Variants in KIAA1217 observed in about 807,000 individuals in gnomAD.
KIAA1217 encodes the protein KIAA1217, also known as sickle tail protein homolog.
Under a neutral mutation model 163.9 loss-of-function variants are expected in KIAA1217, and 88 were observed. That is an observed-to-expected ratio of 0.54 (90% CI 0.45 to 0.64). The LOEUF (loss-of-function observed/expected upper bound fraction) is 0.64. Among genes scored for constraint, KIAA1217 ranks in the 30% least tolerant of loss-of-function variants. The probability of loss-of-function intolerance (pLI) is 0.00; values close to 1 mark genes in which losing one functional copy is unlikely to be tolerated. For missense variants in KIAA1217, 2,372 were observed against 2,475.0 expected (o/e 0.96, Z 0.88); for synonymous variants, 903 against 923.1 (o/e 0.98, Z 0.39).
intron 2 of KIAA1217, among the ~76,000 whole-genome samples, chr10:24,376,612 A>G (rs1271505481): frequency 6.6e-6 from 1 of 152,148 alleles, no homozygotes; most frequent in African/African-American, 2.4e-5. Flanking sequence ...AATTAAAACA[A>G]TTAGCTGGGC....
chr10:23,826,668 G>A (rs980769900), intron 1 of KIAA1217, among the ~76,000 whole-genome samples: 4 of 152,120 alleles, frequency 2.6e-5, no homozygotes, highest in African/African-American at 9.7e-5. Flanking sequence ...CTTCCATGCT[G>A]GGAACATAAG....
chr10:24,293,866 T>C (rs1207368193), intron 2 of KIAA1217, among the ~76,000 whole-genome samples: 3 of 152,212 alleles, frequency 2.0e-5, no homozygotes, highest in East Asian at 3.9e-4. Flanking sequence ...AGCTTGCTGG[T>C]GTCCTGGCAT....
At chr10:23,851,455 T>C (rs1361395232) in intron 1 of KIAA1217, among the ~76,000 whole-genome samples, 1 of 152,196 alleles carries the variant, frequency 6.6e-6, no homozygotes, top group Non-Finnish European at 1.5e-5. Flanking sequence ...CTATTGTGAA[T>C]AGTGCCACAA....
At chr10:24,326,444 T>C (rs576923607) in intron 2 of KIAA1217, among the ~76,000 whole-genome samples, 52 of 152,290 alleles carry the variant, frequency 3.4e-4, no homozygotes, top group African/African-American at 1.2e-3. Flanking sequence ...TAAATATTTG[T>C]GGTAGCCTAG....
At chr10:23,749,991 T>C (rs923108198) in intron 1 of KIAA1217, among the ~76,000 whole-genome samples, 1 of 152,202 alleles carries the variant, frequency 6.6e-6, no homozygotes, top group Non-Finnish European at 1.5e-5. Context: ...TCTTCTTCTC[T>C]TCTCCTTTCC....
intron 1 of KIAA1217, among the ~76,000 whole-genome samples, chr10:23,789,753 A>G (rs542568021): frequency 1.3e-5 from 2 of 152,032 alleles, no homozygotes; most frequent in South Asian, 4.2e-4. Flanking sequence ...TTTGGTTATA[A>G]GTATGGAAGT....
chr10:24,349,105 C>G (rs1017648099), intron 2 of KIAA1217, among the ~76,000 whole-genome samples: 1 of 145,620 alleles, frequency 6.9e-6, no homozygotes, highest in Non-Finnish European at 1.5e-5. Context: ...TGCACCCCAG[C>G]CAGGGCAACA....
chr10:24,516,455 G>A (rs552596443), intron 10 of KIAA1217, among the ~76,000 whole-genome samples: 6 of 152,338 alleles, frequency 3.9e-5, no homozygotes, highest in South Asian at 2.1e-4. Context: ...TGAAAGTTCC[G>A]GGGTTCAACC....
At chr10:24,102,424 G>C (rs2062452158) in intron 2 of KIAA1217, among the ~76,000 whole-genome samples, 3 of 152,182 alleles carry the variant, frequency 2.0e-5, no homozygotes, top group African/African-American at 7.2e-5. Flanking sequence ...TTACATGTTT[G>C]TGGATAGAAA....
At chr10:23,792,706 G>A (rs1025699729) in intron 1 of KIAA1217, among the ~76,000 whole-genome samples, 3 of 149,986 alleles carry the variant, frequency 2.0e-5, no homozygotes, top group African/African-American at 7.4e-5. Context: ...GTTTCACCAT[G>A]TTAGCCAGGA....
intron 3 of KIAA1217, among the ~76,000 whole-genome samples, chr10:24,410,211 G>A (rs2057644139): frequency 6.6e-6 from 1 of 151,916 alleles, no homozygotes; most frequent in South Asian, 2.1e-4. Context: ...GGCCAGGCTG[G>A]TCTCGAACTC....
chr10:24,437,770 T>C (rs886602697), intron 4 of KIAA1217, among the ~76,000 whole-genome samples: 13 of 150,460 alleles, frequency 8.6e-5, no homozygotes, highest in Non-Finnish European at 1.5e-4. Flanking sequence ...GATTTGTATA[T>C]AGAAAAACTA....
intron 1 of KIAA1217, among the ~76,000 whole-genome samples, chr10:24,003,429 T>C (rs2131469448): frequency 6.6e-6 from 1 of 152,338 alleles, no homozygotes; most frequent in Non-Finnish European, 1.5e-5. Context: ...TGAGCTTTTT[T>C]TTATGTTTTT....
chr10:24,140,186 C>T (rs1164554277), intron 2 of KIAA1217, among the ~76,000 whole-genome samples: 2 of 151,630 alleles, frequency 1.3e-5, no homozygotes, highest in East Asian at 1.9e-4. Flanking sequence ...AGTGAAACCC[C>T]GTCTCTACTA....
chr10:23,930,699 T>A (rs146721910), intron 1 of KIAA1217, among the ~76,000 whole-genome samples: 1 of 152,332 alleles, frequency 6.6e-6, no homozygotes, highest in African/African-American at 2.4e-5. Context: ...AGTGTATCTG[T>A]GATTCATCAG....
intron 1 of KIAA1217, among the ~76,000 whole-genome samples, chr10:23,737,302 G>T (rs1588691719): frequency 6.6e-6 from 1 of 152,020 alleles, no homozygotes. Flanking sequence ...AGGTTCAAGC[G>T]ATTCTTCTGC....
At chr10:23,832,010 A>G (rs1323922242) in intron 1 of KIAA1217, among the ~76,000 whole-genome samples, 1 of 152,162 alleles carries the variant, frequency 6.6e-6, no homozygotes, top group African/African-American at 2.4e-5. Flanking sequence ...ACAATTCTCT[A>G]GTGGACACCA....
At chr10:24,468,261 G>T (rs964287132) in intron 5 of KIAA1217, among the ~76,000 whole-genome samples, 3 of 152,126 alleles carry the variant, frequency 2.0e-5, no homozygotes, top group African/African-American at 7.2e-5. Flanking sequence ...TTTATGGTAG[G>T]ATTCCCAAGT....
At chr10:23,934,404 G>A (rs1237910859) in intron 1 of KIAA1217, among the ~76,000 whole-genome samples, 2 of 150,380 alleles carry the variant, frequency 1.3e-5, no homozygotes, top group African/African-American at 4.9e-5. Flanking sequence ...AGGGGAGGGA[G>A]CTTAGAGAAT....
Sources: gnomAD v4.1 joint callset for allele counts (sites outside exome capture counted in the v4.1 genomes callset) on GRCh38, gnomAD v4.1.1 for gene constraint, MANE v1.5 for transcripts, NCBI Gene and HGNC (gene_info 2026-07-23, HGNC 2026-07-21) for gene names.